Variants in OOSP3 observed in about 807,000 individuals in gnomAD.
OOSP3 encodes oocyte secreted protein family member 3.
chr11:59,892,757 C>G (rs1318362906), intron 2 of OOSP3, among the ~76,000 whole-genome samples: 1 of 152,006 alleles, frequency 6.6e-6, no homozygotes, highest in Non-Finnish European at 1.5e-5. Context: ...TCCAAACCAT[C>G]TATTTCCTCT....
chr11:59,893,689 A>ATG (rs1054358079), intron 2 of OOSP3, among the ~76,000 whole-genome samples: 1 of 152,202 alleles, frequency 6.6e-6, no homozygotes, highest in Non-Finnish European at 1.5e-5. Flanking sequence ...CACAATGAGC[A>ATG]TGTGTTCAGA....
At chr11:59,883,536 G>A (rs1565218717) in intron 2 of OOSP3, among the ~76,000 whole-genome samples, 1 of 152,172 alleles carries the variant, frequency 6.6e-6, no homozygotes, top group Non-Finnish European at 1.5e-5. Flanking sequence ...AACCTTAGAA[G>A]ATTACATGTA....
chr11:59,894,969 A>C (rs559633194), intron 3 of OOSP3, among the ~76,000 whole-genome samples: 19 of 152,022 alleles, frequency 1.2e-4, no homozygotes, highest in African/African-American at 4.3e-4. Flanking sequence ...AACTTCCCCC[A>C]CCCCCAATTT....
intron 4 of OOSP3, 53 bp downstream of exon 4, chr11:59,895,705 G>T (rs1853350294): frequency 7.5e-6 from 3 of 397,830 alleles, no homozygotes; most frequent in Non-Finnish European, 1.3e-5. Context: ...AGAAATGATC[G>T]TATTGACATA....
At chr11:59,894,683 C>T (rs1204018069) in intron 3 of OOSP3, among the ~76,000 whole-genome samples, 3 of 152,154 alleles carry the variant, frequency 2.0e-5, no homozygotes, top group Non-Finnish European at 4.4e-5. Flanking sequence ...AATAAATCAC[C>T]TGCACATAAA....
intron 2 of OOSP3, among the ~76,000 whole-genome samples, chr11:59,889,208 T>C (rs1017618536): frequency 1.1e-4 from 16 of 151,790 alleles, no homozygotes; most frequent in African/African-American, 3.6e-4. Flanking sequence ...GTCTAGCTAG[T>C]GGTCTACCTA....
exon 5 of OOSP3, chr11:59,896,407 C>G: frequency 2.7e-6 from 1 of 368,664 alleles, no homozygotes; most frequent in Non-Finnish European, 4.8e-6. Context: ...CTTGCATAGT[C>G]TCTTATAATA....
At chr11:59,882,768 C>T (rs1853216457) in intron 2 of OOSP3, among the ~76,000 whole-genome samples, 1 of 152,146 alleles carries the variant, frequency 6.6e-6, no homozygotes, top group East Asian at 1.9e-4. Flanking sequence ...AAAATGCACC[C>T]ATACCTATCA....
At chr11:59,893,135 G>A (rs951836069) in intron 2 of OOSP3, among the ~76,000 whole-genome samples, 2 of 152,006 alleles carry the variant, frequency 1.3e-5, no homozygotes, top group African/African-American at 4.8e-5. Flanking sequence ...ACCTTCAATA[G>A]CAACGCAATG....
At chr11:59,892,514 T>G (rs1853321425) in intron 2 of OOSP3, among the ~76,000 whole-genome samples, 1 of 152,204 alleles carries the variant, frequency 6.6e-6, no homozygotes, top group Admixed American at 6.5e-5. Flanking sequence ...GGAGATTTTG[T>G]GAAGCACTGG....
chr11:59,895,381 T>C (rs1853346253), intron 3 of OOSP3, 121 bp from the exon 4 acceptor site: 1 of 390,182 alleles, frequency 2.6e-6, no homozygotes, highest in South Asian at 1.5e-4. Flanking sequence ...GCAGTGTTAG[T>C]AAGTCTACTA....
chr11:59,880,325 T>C, exon 2 of OOSP3: 1 of 398,586 alleles, frequency 2.5e-6, no homozygotes, highest in African/African-American at 2.1e-5. Flanking sequence ...TTGGTCAAGA[T>C]CATATTTTGC....
intron 2 of OOSP3, among the ~76,000 whole-genome samples, chr11:59,884,877 C>G (rs1161760733): frequency 6.6e-6 from 1 of 151,982 alleles, no homozygotes; most frequent in Non-Finnish European, 1.5e-5. Context: ...ATCTTCTTGC[C>G]TAATTTTCCT....
intron 2 of OOSP3, among the ~76,000 whole-genome samples, chr11:59,881,955 T>C (rs1034771984): frequency 1.3e-5 from 2 of 152,246 alleles, no homozygotes; most frequent in African/African-American, 4.8e-5. Flanking sequence ...TAGAGGTATG[T>C]GTGTCCTATA....
intron 2 of OOSP3, among the ~76,000 whole-genome samples, chr11:59,882,905 CTT>C (rs1361021936): frequency 1.3e-5 from 2 of 152,112 alleles, no homozygotes; most frequent in Non-Finnish European, 2.9e-5. Context: ...CCTTTTGTGA[CTT>C]TTGCTTGCAT....
chr11:59,882,830 A>G (rs910003242), intron 2 of OOSP3, among the ~76,000 whole-genome samples: 2 of 152,054 alleles, frequency 1.3e-5, no homozygotes, highest in African/African-American at 4.8e-5. Context: ...CACAAGTCTA[A>G]TTTCTCTTTC....
intron 2 of OOSP3, among the ~76,000 whole-genome samples, chr11:59,888,275 A>G (rs1234609948): frequency 1.3e-5 from 2 of 152,194 alleles, no homozygotes; most frequent in Non-Finnish European, 2.9e-5. Context: ...CTCTCTTCTT[A>G]TATGAATACC....
In OOSP3 at chr11:59,895,742, A is replaced by G. The variant is rs188021540; in HGVS notation, c.501+90A>G. On this transcript the variant is annotated intron_variant, in intron 4 of 4. Transcript: ENST00000646438. ...GGAAGTAAAAGCTCAAATCTCTACT[A>G]AGGAGGGTATTTGTTGTTTAAATAG... 3.0e-4 allele frequency: 120 copies of G among 397,504 alleles called. 1 individual carries two copies. In the East Asian group the frequency reaches 4.1e-3, roughly 13 times the overall value. 24.6% of individuals were successfully genotyped at this position (397,504 alleles called of 1,614,324 possible).
chr11:59,886,396 G>T (rs924790185), intron 2 of OOSP3, among the ~76,000 whole-genome samples: 1 of 152,034 alleles, frequency 6.6e-6, no homozygotes, highest in African/African-American at 2.4e-5. Context: ...TATTCTTTTG[G>T]GTATATACCC....
Sources: gnomAD v4.1 joint callset for allele counts (sites outside exome capture counted in the v4.1 genomes callset) on GRCh38, gnomAD v4.1.1 for gene constraint, MANE v1.5 for transcripts, NCBI Gene and HGNC (gene_info 2026-07-23, HGNC 2026-07-21) for gene names.